The following LMF1 variants were observed in gnomAD, a reference collection of about 807,000 sequenced individuals.
The protein encoded by LMF1 is transmembrane protein 112.
A neutral mutation model predicts 60.6 loss-of-function variants in LMF1; 68 were observed. The ratio of observed to expected loss-of-function variants is 1.12; its 90% CI spans 0.92 to 1.37. The LOEUF (loss-of-function observed/expected upper bound fraction) is 1.37, where lower values mean the gene tolerates loss of function less well. Ranked by LOEUF, LMF1 falls within the 40% of genes most tolerant of loss-of-function variation. The probability of loss-of-function intolerance (pLI) is 0.00; values close to 1 mark genes in which losing one functional copy is unlikely to be tolerated. For synonymous variants in LMF1, 418 were observed against 324.7 expected (o/e 1.29, Z -3.09); for missense variants, 948 against 767.2 (o/e 1.24, Z -2.78).
chr16:857,276 T>C (rs535554357), intron 10 of LMF1, among the ~76,000 whole-genome samples: 1 of 152,264 alleles, frequency 6.6e-6, no homozygotes, highest in Admixed American at 6.5e-5. Flanking sequence ...TAAACGTCCA[T>C]GGAAGCAGCT....
rs894008319 is a variant in LMF1 at position 928,338 on chromosome 16, T to C, written c.514+5906A>G. Among the ~76,000 whole-genome samples the C allele has an allele frequency of 2.0e-5, 3 of 152,288 alleles. No homozygotes were observed. The South Asian group carries it at 6.2e-4, about 32-fold the overall frequency. On this transcript the variant is annotated intron_variant, in intron 3 of 10. Transcript: ENST00000262301. ...CAGCTGGCATTGGCCTTCCAGAAGATGAGGATAAACCAATCATTCATCAGT... is the reference window on the plus strand; with the variant it reads ...CAGCTGGCATTGGCCTTCCAGAAGACGAGGATAAACCAATCATTCATCAGT...
At position 889,364 on chromosome 16, in the gene LMF1, CCATGGGTGTGAGGCTGCGGAT is replaced by C. The variant is rs1567188667; in HGVS notation, c.729+3622_729+3642del. ...GTGTGGGGTGTGAGGCTGCGGATGG[CCATGGGTGTGAGGCTGCGGAT>C]GGCCGTGGGTGTGAGGCTGTGGATG... is the stretch of plus-strand genomic sequence containing the variant. On this transcript the variant is annotated intron_variant, in intron 5 of 10. Transcript: ENST00000262301. Among the ~76,000 whole-genome samples, 864 of 147,438 alleles carry C rather than the reference CCATGGGTGTGAGGCTGCGGAT, an allele frequency of 5.9e-3. 11 individuals carry two copies. The highest frequency in any genetic ancestry group is 0.019 in the African/African-American group (777 of 40,060).
intron 3 of LMF1, among the ~76,000 whole-genome samples, chr16:924,346 C>T (rs757568712): frequency 9.9e-5 from 15 of 152,242 alleles, no homozygotes; most frequent in East Asian, 5.8e-4. Context: ...AGAAGTGGTA[C>T]GGCAAGGGCT....
At chr16:910,226 CA>C (rs766597631) in intron 4 of LMF1, among the ~76,000 whole-genome samples, 56 of 152,222 alleles carry the variant, frequency 3.7e-4, no homozygotes, top group Non-Finnish European at 6.5e-4. Context: ...TGAAGCTGAA[CA>C]GGGGGTTGGC....
In LMF1 at chr16:876,744, G is replaced by A. The variant is rs144036917; in HGVS notation, c.897+2826C>T. Among the ~76,000 whole-genome samples the A allele has an allele frequency of 2.1e-3, 321 of 152,186 alleles. 2 individuals are homozygous for A. Among genetic ancestry groups the A allele is most frequent in the African/African-American group, 7.3e-3 (303 of 41,516 alleles). ...GCGGGCTGGGCGGGCTGAGGACCTC[G>A]GGGGGTCATGGTGGCAAAGATGCTG... On this transcript the variant is annotated intron_variant, in intron 6 of 10. Coordinates refer to ENST00000262301, the MANE Select transcript of LMF1 (RefSeq NM_022773.4).
At chr16:981,349 T>A (rs2432295), upstream of LMF1, 7,599 of 56,642 alleles carry the variant, frequency 0.13, 152 homozygotes, top group South Asian at 0.16. Context: ...AGAGAGAGAG[T>A]GTGTGTGTGT....
rs1306788806 is a variant in LMF1, at chr16:960,573, CACGGG to C, written c.194-5912_194-5908del. 4.4e-4 allele frequency among the ~76,000 whole-genome samples: 56 copies of C among 128,026 alleles called. 6 individuals carry two copies. Among genetic ancestry groups the C allele is most frequent in the Admixed American group, 1.1e-3 (15 of 13,128 alleles). The allele number at this position is 128,026 out of a possible 152,430, so 84.0% of individuals were successfully genotyped here. ...CCCAGACACAGACTCACGGTGACAG[CACGGG>C]ATCACGACCCAGACACAGACTCACG... On this transcript the variant is annotated intron_variant, in intron 1 of 10. Coordinates refer to ENST00000262301, the MANE Select transcript of LMF1 (RefSeq NM_022773.4).
chr16:860,714 C>T (rs1199509937), intron 10 of LMF1, among the ~76,000 whole-genome samples: 3 of 151,962 alleles, frequency 2.0e-5, no homozygotes, highest in Non-Finnish European at 4.4e-5. Context: ...TGGGGTGAGA[C>T]GTGGGTCGAA....
Position 897,046 on chromosome 16 carries a change from G to A in LMF1, c.664-3974C>T, listed in dbSNP as rs2070684629. On this transcript the variant is annotated intron_variant, in intron 4 of 10. Transcript: ENST00000262301. This position sits in a 1 kb window ranked among gnomAD's most constrained non-coding sequence, Gnocchi z 4.3. ...GCCAATAAACGCACCAGACCCAAAG[G>A]GAGCCGGGGACCCACACTGCCCGTG... 6.6e-6 allele frequency among the ~76,000 whole-genome samples: 1 copy of A among 152,006 alleles called. No individual in the cohort carries two copies. Among genetic ancestry groups the A allele is most frequent in the Admixed American group, 6.5e-5 (1 of 15,272 alleles).
chr16:944,189 C>T (rs1021985369), intron 2 of LMF1, among the ~76,000 whole-genome samples: 4 of 152,030 alleles, frequency 2.6e-5, no homozygotes, highest in African/African-American at 9.7e-5. Context: ...AGGCTTGTCT[C>T]CCAGCCAGCA....
chr16:974,503 G>A (rs908401287), upstream of LMF1, among the ~76,000 whole-genome samples: 4 of 152,246 alleles, frequency 2.6e-5, no homozygotes, highest in Non-Finnish European at 4.4e-5. Flanking sequence ...GGTGCTGGGG[G>A]AGAAGACGCT....
intron 3 of LMF1, among the ~76,000 whole-genome samples, chr16:922,170 C>T (rs189846895): frequency 1.9e-4 from 29 of 152,284 alleles, no homozygotes; most frequent in Non-Finnish European, 3.5e-4. Context: ...GGCACCCTGT[C>T]TCGCAGGCCC....
upstream of LMF1, among the ~76,000 whole-genome samples, chr16:972,899 G>C (rs1370597881): frequency 6.6e-6 from 1 of 152,212 alleles, no homozygotes; most frequent in African/African-American, 2.4e-5. Context: ...CTGCTCTCTT[G>C]AGACGCTGAC....
At chr16:974,796 G>T (rs1243008056), upstream of LMF1, among the ~76,000 whole-genome samples, 1 of 152,260 alleles carries the variant, frequency 6.6e-6, no homozygotes, top group Non-Finnish European at 1.5e-5. Context: ...GCCTCCTCGG[G>T]GCCATTGTCC....
At chr16:870,614 C>A in intron 8 of LMF1, 115 bp downstream of exon 8, 2 of 1,242,622 alleles carry the variant, frequency 1.6e-6, no homozygotes, top group Non-Finnish European at 2.3e-6. Flanking sequence ...TGGGGTGGGG[C>A]AGGGGACACT....
intron 3 of LMF1, among the ~76,000 whole-genome samples, chr16:931,388 C>A (rs371501507): frequency 6.6e-6 from 1 of 152,108 alleles, no homozygotes; most frequent in Non-Finnish European, 1.5e-5. Flanking sequence ...TGACCGACCC[C>A]GTGCCCCGCC....
chr16:870,508 T>C (rs1256641970), intron 8 of LMF1, among the ~76,000 whole-genome samples: 1 of 152,174 alleles, frequency 6.6e-6, no homozygotes, highest in African/African-American at 2.4e-5. Flanking sequence ...CCTGGTGACC[T>C]CGGGCCCTGC....
chr16:875,145 G>C (rs946718603), intron 6 of LMF1, among the ~76,000 whole-genome samples: 4 of 152,126 alleles, frequency 2.6e-5, no homozygotes, highest in African/African-American at 9.7e-5. Flanking sequence ...CTGGAAGGGA[G>C]GCGCTGCCTG....
At chr16:865,787 C>G (rs923635355) in intron 10 of LMF1, among the ~76,000 whole-genome samples, 2 of 152,208 alleles carry the variant, frequency 1.3e-5, no homozygotes, top group African/African-American at 4.8e-5. Flanking sequence ...AATTCTGGAT[C>G]TTCTGTTACA....
Sources: gnomAD v4.1 joint callset for allele counts (sites outside exome capture counted in the v4.1 genomes callset) on GRCh38, gnomAD v4.1.1 for gene constraint, Gnocchi (gnomAD v3.1) non-coding constraint, MANE v1.5 for transcripts, NCBI Gene and HGNC (gene_info 2026-07-23, HGNC 2026-07-21) for gene names.